Variants in KCTD16 observed in about 807,000 individuals in gnomAD.
KCTD16 encodes the protein potassium channel tetramerization domain containing 16, also known as BTB/POZ domain-containing protein KCTD16.
A neutral mutation model predicts 33.2 loss-of-function variants in KCTD16; 13 were observed. The ratio of observed to expected loss-of-function variants is 0.39; its 90% CI spans 0.25 to 0.62. The LOEUF (loss-of-function observed/expected upper bound fraction) is 0.62, where lower values mean the gene tolerates loss of function less well. Among genes scored for constraint, KCTD16 ranks in the 20% least tolerant of loss-of-function variants. The probability of loss-of-function intolerance (pLI) is 0.50; values close to 1 mark genes in which losing one functional copy is unlikely to be tolerated. For synonymous variants in KCTD16, 197 were observed against 195.3 expected (o/e 1.01, Z -0.07); for missense variants, 441 against 525.1 (o/e 0.84, Z 1.57).
chr5:144,341,152 T>C (rs1174251571), intron 3 of KCTD16, among the ~76,000 whole-genome samples: 1 of 152,210 alleles, frequency 6.6e-6, no homozygotes, highest in Non-Finnish European at 1.5e-5. Flanking sequence ...TAATTTTTGT[T>C]GTTTAGCCAT....
intron 2 of KCTD16, among the ~76,000 whole-genome samples, chr5:144,175,792 TCTAAGTA>T (rs1296449949): frequency 6.6e-6 from 1 of 152,204 alleles, no homozygotes; most frequent in South Asian, 2.1e-4. Context: ...AGTATAAGTG[TCTAAGTA>T]CTAAGTATTC....
intron 3 of KCTD16, among the ~76,000 whole-genome samples, chr5:144,218,247 T>A (rs904906280): frequency 6.6e-6 from 1 of 152,154 alleles, no homozygotes; most frequent in Non-Finnish European, 1.5e-5. Flanking sequence ...TCTAGTGTGA[T>A]GAGGAAGTGT....
chr5:144,322,532 A>G (rs1752099711), intron 3 of KCTD16, among the ~76,000 whole-genome samples: 1 of 151,822 alleles, frequency 6.6e-6, no homozygotes, highest in South Asian at 2.1e-4. Flanking sequence ...CAAAAAAAAC[A>G]AAACAGGGCT....
intron 3 of KCTD16, among the ~76,000 whole-genome samples, chr5:144,366,487 T>C (rs1267625956): frequency 6.6e-6 from 1 of 152,124 alleles, no homozygotes; most frequent in Non-Finnish European, 1.5e-5. Context: ...TTTTCTAAGA[T>C]AGTGAATTGG....
chr5:144,414,278 C>G (rs1402159331), intron 3 of KCTD16, among the ~76,000 whole-genome samples: 1 of 152,114 alleles, frequency 6.6e-6, no homozygotes, highest in Non-Finnish European at 1.5e-5. Flanking sequence ...ATAGGTCTAG[C>G]CTCTGATTAA....
chr5:144,320,758 TG>T (rs1367978244), intron 3 of KCTD16, among the ~76,000 whole-genome samples: 18 of 142,024 alleles, frequency 1.3e-4, no homozygotes, highest in African/African-American at 2.7e-4. Flanking sequence ...TCTTTTTATT[TG>T]TTTTTTTTTT....
At chr5:144,444,236 A>G (rs1413289848) in intron 3 of KCTD16, among the ~76,000 whole-genome samples, 3 of 142,736 alleles carry the variant, frequency 2.1e-5, no homozygotes, top group Non-Finnish European at 4.5e-5. Context: ...AAAACACTTC[A>G]CCAGTTCATA....
chr5:144,184,638 A>G (rs1210726681), intron 2 of KCTD16, among the ~76,000 whole-genome samples: 1 of 152,148 alleles, frequency 6.6e-6, no homozygotes, highest in African/African-American at 2.4e-5. Context: ...ACAGTGCACA[A>G]AGGTTCTAAT....
At chr5:144,184,261 T>G (rs1323197776) in intron 2 of KCTD16, among the ~76,000 whole-genome samples, 1 of 152,216 alleles carries the variant, frequency 6.6e-6, no homozygotes, top group African/African-American at 2.4e-5. Flanking sequence ...CCACCCCAGC[T>G]CTGGCAAACA....
chr5:144,184,067 T>C (rs866289213), intron 2 of KCTD16, among the ~76,000 whole-genome samples: 4 of 152,224 alleles, frequency 2.6e-5, no homozygotes, highest in African/African-American at 7.2e-5. Flanking sequence ...TATAAAGACG[T>C]ACTTTTTAAA....
intron 3 of KCTD16, among the ~76,000 whole-genome samples, chr5:144,419,613 C>T (rs1323133545): frequency 5.3e-5 from 8 of 152,146 alleles, no homozygotes; most frequent in Non-Finnish European, 1.0e-4. Flanking sequence ...AGCTGTTACT[C>T]ATGGAGATGA....
intron 3 of KCTD16, among the ~76,000 whole-genome samples, chr5:144,399,398 T>C (rs977564667): frequency 2.0e-5 from 3 of 152,122 alleles, no homozygotes; most frequent in Admixed American, 6.6e-5. Flanking sequence ...AAATAGACAG[T>C]GATTAGGCTT....
chr5:144,246,626 A>G lies in KCTD16; in HGVS notation c.832+39080A>G, dbSNP rs183528337. The stretch of plus-strand genomic sequence containing the variant: ...ATCTCCATATCACCTCAAGTAAAAC[A>G]CAACAAATCACCAAATGATAATTTA... On this transcript the variant is annotated intron_variant, in intron 3 of 3. Transcript: ENST00000512467. Among the ~76,000 whole-genome samples the G allele has an allele frequency of 1.9e-4, 29 of 151,322 alleles. No individual in the cohort carries two copies. In the East Asian group the frequency reaches 4.6e-3, roughly 24 times the overall value.
chr5:144,308,059 G>C (rs1030969451), intron 3 of KCTD16, among the ~76,000 whole-genome samples: 6 of 152,204 alleles, frequency 3.9e-5, no homozygotes, highest in African/African-American at 1.4e-4. Context: ...TATCTCACAA[G>C]CTTACTGCTG....
intron 3 of KCTD16, among the ~76,000 whole-genome samples, chr5:144,307,731 T>C (rs1461721896): frequency 6.6e-6 from 1 of 152,240 alleles, no homozygotes; most frequent in African/African-American, 2.4e-5. Flanking sequence ...ACATAGCCAT[T>C]TAATTTTAAG....
At chr5:144,207,619 C>A in intron 3 of KCTD16, 73 bp downstream of exon 3, 1 of 1,032,350 alleles carries the variant, frequency 9.7e-7, no homozygotes, top group Non-Finnish European at 1.4e-6. Context: ...TCTGTGTGTT[C>A]TCTCCATACC....
chr5:144,204,583 G>A (rs1055344235), intron 2 of KCTD16, among the ~76,000 whole-genome samples: 8 of 152,136 alleles, frequency 5.3e-5, no homozygotes, highest in Non-Finnish European at 8.8e-5. Flanking sequence ...CTGGGGGCAC[G>A]TCCAAAGAGA....
At chr5:144,340,546 G>A (rs1186324134) in intron 3 of KCTD16, among the ~76,000 whole-genome samples, 1 of 152,000 alleles carries the variant, frequency 6.6e-6, no homozygotes, top group Admixed American at 6.6e-5. Flanking sequence ...AGAGGCATTT[G>A]TGTCTCCCTG....
At chr5:144,294,952 A>G (rs1230101830) in intron 3 of KCTD16, among the ~76,000 whole-genome samples, 1 of 152,214 alleles carries the variant, frequency 6.6e-6, no homozygotes, top group African/African-American at 2.4e-5. Flanking sequence ...AACTTAGCTT[A>G]TCTAGACCTT....
Sources: gnomAD v4.1 joint callset for allele counts (sites outside exome capture counted in the v4.1 genomes callset) on GRCh38, gnomAD v4.1.1 for gene constraint, MANE v1.5 for transcripts, NCBI Gene and HGNC (gene_info 2026-07-23, HGNC 2026-07-21) for gene names.